The following MEF2C variants were observed in gnomAD, a reference collection of about 807,000 sequenced individuals.
The protein encoded by MEF2C is myocyte-specific enhancer factor 2C.
In MEF2C, 6 loss-of-function variants were observed where a neutral mutation model predicts 50.5. That is an observed-to-expected ratio of 0.12 (90% CI 0.07 to 0.23). The LOEUF (loss-of-function observed/expected upper bound fraction) is 0.23. MEF2C is among the 10% of genes least tolerant of loss of function. The probability of loss-of-function intolerance (pLI) is 1.00; values close to 1 mark genes in which losing one functional copy is unlikely to be tolerated. For missense variants in MEF2C, 276 were observed against 605.0 expected, an observed-to-expected ratio of 0.46 and a Z score of 5.70; for synonymous variants, 183 against 228.0, an observed-to-expected ratio of 0.80 and a Z score of 1.78.
chr5:88,752,452 C>T (rs1010120979), intron 4 of MEF2C: 2 of 330,728 alleles, frequency 6.0e-6, no homozygotes, highest in Non-Finnish European at 8.7e-6. Flanking sequence ...GATTTAATTG[C>T]TTATTGAAGC....
At chr5:88,833,643 A>G (rs574879532) in intron 1 of MEF2C, among the ~76,000 whole-genome samples, 4 of 152,278 alleles carry the variant, frequency 2.6e-5, no homozygotes, top group Non-Finnish European at 4.4e-5. Flanking sequence ...GCCAATTAAC[A>G]TATGTTAGAA....
intron 6 of MEF2C, chr5:88,742,456 C>T: frequency 1.0e-6 from 1 of 980,496 alleles, no homozygotes; most frequent in Non-Finnish European, 1.2e-6. Flanking sequence ...TAGGTTAAAT[C>T]AATGGGATAT....
chr5:88,747,332 A>AT (rs1770258010), intron 6 of MEF2C, among the ~76,000 whole-genome samples: 2 of 20,266 alleles, frequency 9.9e-5, no homozygotes, highest in Admixed American at 5.8e-4. Flanking sequence ...TTTTTTTACT[A>AT]CTTTTTTTTT....
intron 6 of MEF2C, chr5:88,740,013 G>A: frequency 1.0e-6 from 1 of 985,300 alleles, no homozygotes; most frequent in Middle Eastern, 5.2e-4. Context: ...TGAAACCTCA[G>A]TGCATTTTGT....
At chr5:88,795,159 G>GT (rs962429262) in intron 3 of MEF2C, among the ~76,000 whole-genome samples, 8 of 152,026 alleles carry the variant, frequency 5.3e-5, no homozygotes, top group African/African-American at 1.2e-4. Context: ...ATTTAAAGTA[G>GT]TTTTTTTCTA....
intron 3 of MEF2C, chr5:88,770,103 G>A (rs1263276957): frequency 1.6e-6 from 1 of 624,036 alleles, no homozygotes; most frequent in Admixed American, 6.3e-5. Flanking sequence ...GGTTGAGAGA[G>A]GAAAGGAGTA....
intron 1 of MEF2C, among the ~76,000 whole-genome samples, chr5:88,850,688 A>G (rs76484750): frequency 0.035 from 5,394 of 152,096 alleles, 103 homozygotes; most frequent in Non-Finnish European, 0.041. Flanking sequence ...ACACACACAC[A>G]CGCACACACA....
rs896604375 is a variant in MEF2C at position 88,823,879 on chromosome 5, CCTT to C, written c.-94_-92del. ...TTTCCTGTTTCCTCCAAACAAATCT[CCTT>C]CTTCAGCACTTGCACAGCTCAGTTC... On this transcript the variant is annotated 5_prime_UTR_variant, in exon 2 of 11. Transcript: ENST00000504921. The C allele has an allele frequency of 6.9e-6, 11 of 1,585,450 alleles. No homozygotes were observed. The African/African-American group carries it at 8.1e-5, about 12-fold the overall frequency.
intron 1 of MEF2C, among the ~76,000 whole-genome samples, chr5:88,840,898 C>A (rs1350489513): frequency 6.6e-6 from 1 of 152,128 alleles, no homozygotes; most frequent in Non-Finnish European, 1.5e-5. Flanking sequence ...TGAAATTATA[C>A]CTATCCTTTT....
chr5:88,740,661 T>A (rs188250692), intron 6 of MEF2C: 1 of 983,774 alleles, frequency 1.0e-6, no homozygotes, highest in Middle Eastern at 5.2e-4. Context: ...AAATTGACAA[T>A]CTGATGTCTC....
At chr5:88,730,149 AC>A in intron 8 of MEF2C, 61 bp downstream of exon 8, 1 of 1,529,500 alleles carries the variant, frequency 6.5e-7, no homozygotes, top group Non-Finnish European at 8.9e-7. Flanking sequence ...TATCAAAGCT[AC>A]CACCTCTACC....
rs1765237589 is a variant in MEF2C at position 88,738,871 on chromosome 5, T to C, written c.638-6970A>G. The C allele has an allele frequency of 6.1e-6, 6 of 985,234 alleles. No individual in the cohort carries two copies. In the South Asian group the frequency reaches 2.8e-4, roughly 46 times the overall value. 61.0% of individuals were successfully genotyped at this position (985,234 alleles called of 1,614,324 possible). A position where few individuals can be genotyped will look rare whatever the true frequency, so the allele number is the denominator to read the frequency against. ...ATGTTCAAACCATATTTCTGGTCTC[T>C]TTCTGGATAAATAAATATTTACAAG... On this transcript the variant is annotated intron_variant, in intron 6 of 10. Transcript: ENST00000504921.
chr5:88,801,345 A>G (rs1798230905), intron 3 of MEF2C, among the ~76,000 whole-genome samples: 2 of 152,200 alleles, frequency 1.3e-5, no homozygotes, highest in South Asian at 2.1e-4. Context: ...CAGGAGCAGT[A>G]AACAATCTTA....
chr5:88,833,917 GTAGT>G (rs1814020612), intron 1 of MEF2C, among the ~76,000 whole-genome samples: 1 of 152,118 alleles, frequency 6.6e-6, no homozygotes, highest in Non-Finnish European at 1.5e-5. Context: ...CCAAAACTCT[GTAGT>G]TACTTTGTTA....
chr5:88,838,625 T>C (rs942343772), intron 1 of MEF2C: 1 of 985,112 alleles, frequency 1.0e-6, no homozygotes, highest in Non-Finnish European at 1.2e-6. Flanking sequence ...GAAGCAGTCA[T>C]TTTGCTTTCC....
At chr5:88,780,678 C>A (rs1342054351) in intron 3 of MEF2C, 1 of 804,480 alleles carries the variant, frequency 1.2e-6, no homozygotes, top group Non-Finnish European at 1.5e-6. Context: ...ATATATATTT[C>A]ACTGTTAACA....
chr5:88,866,425 TATC>T (rs1180722202), intron 1 of MEF2C, among the ~76,000 whole-genome samples: 109 of 152,336 alleles, frequency 7.2e-4, no homozygotes, highest in Non-Finnish European at 8.8e-5. Flanking sequence ...AATTCAGAAA[TATC>T]TGAGTCCCAT....
intron 1 of MEF2C, chr5:88,825,678 CACTCA>C (rs1447051850): frequency 1.0e-6 from 1 of 970,236 alleles, no homozygotes. Context: ...TCTTAAATGT[CACTCA>C]ATGGGGCAAC....
Position 88,740,690 on chromosome 5 carries a change from A to C in MEF2C, c.637+8380T>G, listed in dbSNP as rs537815483. 3.5e-3 allele frequency: 3,412 copies of C among 984,988 alleles called. 4 individuals are homozygous for C. The highest frequency in any genetic ancestry group is 9.9e-3 in the Middle Eastern group (19 of 1,914). 61.0% of individuals were successfully genotyped at this position (984,988 alleles called of 1,614,324 possible). A position where few individuals can be genotyped will look rare whatever the true frequency, so the allele number is the denominator to read the frequency against. ...ATGTCTCCAGTACAAAAAAAAAAAA[A>C]ACCCAAATATCATTCTCCTTTGGGT... On this transcript the variant is annotated intron_variant, in intron 6 of 10. Coordinates refer to ENST00000504921, the MANE Select transcript of MEF2C (RefSeq NM_002397.5).
Sources: allele counts gnomAD v4.1 joint callset (sites outside exome capture counted in the v4.1 genomes callset), GRCh38; gene constraint gnomAD v4.1.1; transcripts MANE v1.5; gene names NCBI Gene and HGNC (gene_info 2026-07-23, HGNC 2026-07-21).